ASCC3: variants seen among roughly 807,000 people sequenced by gnomAD.
ASCC3 encodes activating signal cointegrator 1 complex subunit 3.
In ASCC3, 158 loss-of-function variants were observed where a neutral mutation model predicts 256.3. The observed-to-expected ratio is 0.62, with a 90% CI of 0.54 to 0.70. The LOEUF (loss-of-function observed/expected upper bound fraction) is 0.70, where lower values mean the gene tolerates loss of function less well. ASCC3 is among the 30% of genes least tolerant of loss of function. The pLI is 0.00. For missense variants in ASCC3, 2,259 were observed against 2,626.0 expected, an observed-to-expected ratio of 0.86 and a Z score of 3.05; for synonymous variants, 948 against 883.4, an observed-to-expected ratio of 1.07 and a Z score of -1.30.
chr6:100,708,265 A>G (rs191252166), intron 13 of ASCC3, among the ~76,000 whole-genome samples: 25 of 152,286 alleles, frequency 1.6e-4, no homozygotes, highest in Admixed American at 1.4e-3. Context: ...TTTTTCCAAG[A>G]CAATGCTTCT....
chr6:100,797,172 G>A (rs911906818), intron 8 of ASCC3, among the ~76,000 whole-genome samples: 3 of 151,934 alleles, frequency 2.0e-5, no homozygotes, highest in South Asian at 2.1e-4. Flanking sequence ...GATTTAGACC[G>A]GGTGCGGTGG....
chr6:100,760,438 T>G (rs749745241), intron 10 of ASCC3, among the ~76,000 whole-genome samples: 1 of 152,178 alleles, frequency 6.6e-6, no homozygotes, highest in Admixed American at 6.5e-5. Context: ...ATTTATTGAT[T>G]TGCATGTGTT....
At chr6:100,854,984 T>C (rs532582514) in intron 3 of ASCC3, among the ~76,000 whole-genome samples, 2 of 152,208 alleles carry the variant, frequency 1.3e-5, no homozygotes, top group East Asian at 1.9e-4. Flanking sequence ...CGTAATACTA[T>C]TTAAAAGTAT....
In ASCC3 at chr6:100,682,872, A is replaced by T. The variant is rs556171973; in HGVS notation, c.2152-3120T>A. Among the ~76,000 whole-genome samples the T allele has an allele frequency of 2.6e-5, 4 of 152,264 alleles. No homozygotes were observed. The South Asian group carries it at 8.3e-4, about 32-fold the overall frequency. ...CACAGTGAGACCTAGGGACTATTACATCTGAATCACTGCTGCTGCTTGTTA... is the reference window on the plus strand; with the variant it reads ...CACAGTGAGACCTAGGGACTATTACTTCTGAATCACTGCTGCTGCTTGTTA... On this transcript the variant is annotated intron_variant, in intron 13 of 41. Coordinates refer to ENST00000369162, the MANE Select transcript of ASCC3 (RefSeq NM_006828.4).
At chr6:100,558,439 G>C (rs1414177297) in intron 36 of ASCC3, among the ~76,000 whole-genome samples, 1 of 152,012 alleles carries the variant, frequency 6.6e-6, no homozygotes, top group East Asian at 1.9e-4. Context: ...TAAGTGATTT[G>C]TTCTTTTGAA....
chr6:100,797,926 TAC>T, intron 8 of ASCC3, among the ~76,000 whole-genome samples: 1 of 152,308 alleles, frequency 6.6e-6, no homozygotes, highest in South Asian at 2.1e-4. Context: ...TAACTATATA[TAC>T]ACACACAAAA....
intron 37 of ASCC3, among the ~76,000 whole-genome samples, chr6:100,523,725 T>C (rs563875846): frequency 6.6e-6 from 1 of 152,306 alleles, no homozygotes; most frequent in Admixed American, 6.5e-5. Flanking sequence ...TACAGTGGTG[T>C]AAGTATTTCT....
chr6:100,740,431 T>A (rs1780379231), intron 10 of ASCC3, among the ~76,000 whole-genome samples: 1 of 152,198 alleles, frequency 6.6e-6, no homozygotes, highest in Non-Finnish European at 1.5e-5. Context: ...TGGAGAGTTC[T>A]GTAGATATCT....
chr6:100,531,683 C>T (rs1003060506), intron 37 of ASCC3, among the ~76,000 whole-genome samples: 4 of 151,924 alleles, frequency 2.6e-5, no homozygotes, highest in African/African-American at 9.7e-5. Context: ...TGGTGCCTAC[C>T]TGAAAAATGT....
intron 1 of ASCC3, among the ~76,000 whole-genome samples, chr6:100,874,814 G>A (rs1413395445): frequency 3.3e-5 from 5 of 152,084 alleles, no homozygotes; most frequent in Admixed American, 2.0e-4. Context: ...TAGATATAAA[G>A]AAGGAAGCTG....
chr6:100,695,678 T>C (rs1366341299), intron 13 of ASCC3, among the ~76,000 whole-genome samples: 1 of 152,112 alleles, frequency 6.6e-6, no homozygotes, highest in Non-Finnish European at 1.5e-5. Context: ...TAGTAAAAGA[T>C]AAGGTCCCTG....
intron 10 of ASCC3, among the ~76,000 whole-genome samples, chr6:100,758,728 T>C (rs566195704): frequency 5.3e-5 from 8 of 152,314 alleles, no homozygotes; most frequent in African/African-American, 1.4e-4. Context: ...AGTAGAATGA[T>C]TTCTATTCCT....
At chr6:100,849,455 T>A (rs998473436) in intron 3 of ASCC3, among the ~76,000 whole-genome samples, 1 of 152,148 alleles carries the variant, frequency 6.6e-6, no homozygotes, top group African/African-American at 2.4e-5. Flanking sequence ...ATTTGTACCA[T>A]AAACCTGAGA....
At chr6:100,865,458 T>A (rs535643450) in intron 2 of ASCC3, among the ~76,000 whole-genome samples, 1 of 152,134 alleles carries the variant, frequency 6.6e-6, no homozygotes, top group Non-Finnish European at 1.5e-5. Context: ...TAATTCAGGT[T>A]TAAGATAGCA....
chr6:100,834,905 C>A (rs1430546087), intron 4 of ASCC3, among the ~76,000 whole-genome samples: 1 of 151,994 alleles, frequency 6.6e-6, no homozygotes, highest in Non-Finnish European at 1.5e-5. Context: ...TGTTTTCTGA[C>A]AGAAACTTTT....
In ASCC3 at chr6:100,634,865, A is replaced by C. The variant is rs1188880736; in HGVS notation, c.4123-3652T>G. Among the ~76,000 whole-genome samples, 5 of 44,224 alleles carry C rather than the reference A, an allele frequency of 1.1e-4. No individual in the cohort carries two copies. The East Asian group carries it at 2.2e-3, about 20-fold the overall frequency. The allele number at this position is 44,224 out of a possible 152,430, so 29.0% of individuals were successfully genotyped here. A position where few individuals can be genotyped will look rare whatever the true frequency, so the allele number is the denominator to read the frequency against. On this transcript the variant is annotated intron_variant, in intron 25 of 41. Coordinates refer to ENST00000369162, the MANE Select transcript of ASCC3 (RefSeq NM_006828.4). ...GCGAGACCCCATCTCCTCAAAAAACAAAAAAAAAAAAAAAAAAGAAAAGAA... is the reference window on the plus strand; with the variant it reads ...GCGAGACCCCATCTCCTCAAAAAACCAAAAAAAAAAAAAAAAAGAAAAGAA...
intron 3 of ASCC3, among the ~76,000 whole-genome samples, chr6:100,852,471 C>A (rs974604567): frequency 5.3e-5 from 8 of 152,050 alleles, no homozygotes; most frequent in African/African-American, 1.9e-4. Flanking sequence ...AATCCTGTTC[C>A]GAAATAGCCT....
At chr6:100,622,442 C>T (rs1774005584) in intron 30 of ASCC3, among the ~76,000 whole-genome samples, 1 of 152,066 alleles carries the variant, frequency 6.6e-6, no homozygotes, top group Admixed American at 6.6e-5. Flanking sequence ...CCTTCCCCTT[C>T]CACCATGATG....
chr6:100,749,924 C>G (rs1780859368), intron 10 of ASCC3, among the ~76,000 whole-genome samples: 1 of 151,188 alleles, frequency 6.6e-6, no homozygotes, highest in South Asian at 2.1e-4. Flanking sequence ...AATATAAATT[C>G]AAAATATAAA....
Sources: gnomAD v4.1 joint callset for allele counts (sites outside exome capture counted in the v4.1 genomes callset) on GRCh38, gnomAD v4.1.1 for gene constraint, MANE v1.5 for transcripts, NCBI Gene and HGNC (gene_info 2026-07-23, HGNC 2026-07-21) for gene names.